Variants in SMYD3 observed in about 807,000 individuals in gnomAD.
The protein encoded by SMYD3 is SET and MYND domain containing 3.
In SMYD3, 36 loss-of-function variants were observed where a neutral mutation model predicts 57.7. That is an observed-to-expected ratio of 0.62 (90% CI 0.48 to 0.82). The LOEUF (loss-of-function observed/expected upper bound fraction) is 0.82. SMYD3 is among the 40% of genes least tolerant of loss of function. The probability of loss-of-function intolerance (pLI) is 0.00; values close to 1 mark genes in which losing one functional copy is unlikely to be tolerated. For synonymous variants in SMYD3, 211 were observed against 195.0 expected, an observed-to-expected ratio of 1.08 and a Z score of -0.68; for missense variants, 515 against 538.8, an observed-to-expected ratio of 0.96 and a Z score of 0.44.
chr1:246,416,857 A>G (rs2067070810), intron 1 of SMYD3, among the ~76,000 whole-genome samples: 1 of 152,136 alleles, frequency 6.6e-6, no homozygotes, highest in East Asian at 1.9e-4. Context: ...TTTCCTTATC[A>G]GACTAAGGAA....
At chr1:245,767,875 C>A (rs188591682) in intron 10 of SMYD3, among the ~76,000 whole-genome samples, 69 of 152,244 alleles carry the variant, frequency 4.5e-4, no homozygotes, top group Non-Finnish European at 8.5e-4. Flanking sequence ...CCAAAGGGGG[C>A]TGAAGATATT....
At chr1:246,372,855 T>G (rs2066214510) in intron 1 of SMYD3, among the ~76,000 whole-genome samples, 1 of 152,182 alleles carries the variant, frequency 6.6e-6, no homozygotes, top group Non-Finnish European at 1.5e-5. Flanking sequence ...CCATAAAGTT[T>G]GGAGTCAGGC....
intron 8 of SMYD3, among the ~76,000 whole-genome samples, chr1:245,904,265 TTC>T (rs2054399189): frequency 3.3e-5 from 5 of 152,172 alleles, no homozygotes; most frequent in Admixed American, 3.3e-4. Context: ...GCTCTTCGTT[TTC>T]TCTCTCATCT....
chr1:246,158,952 C>T (rs780748409), intron 5 of SMYD3, among the ~76,000 whole-genome samples: 6 of 151,844 alleles, frequency 4.0e-5, no homozygotes, highest in Admixed American at 6.6e-5. Flanking sequence ...TATGCAGTAC[C>T]GAGAAGTAAA....
chr1:246,228,717 A>C (rs1191813843), intron 5 of SMYD3, among the ~76,000 whole-genome samples: 3 of 152,328 alleles, frequency 2.0e-5, no homozygotes, highest in East Asian at 3.9e-4. Context: ...TTTCTGTATA[A>C]GTTTCTCAGA....
chr1:245,918,496 C>G (rs2055615155), intron 7 of SMYD3, among the ~76,000 whole-genome samples: 1 of 152,206 alleles, frequency 6.6e-6, no homozygotes, highest in African/African-American at 2.4e-5. Context: ...GCTGAGACAA[C>G]AGCCACTTTT....
intron 5 of SMYD3, among the ~76,000 whole-genome samples, chr1:246,008,955 A>T (rs2059227242): frequency 2.0e-5 from 3 of 152,190 alleles, no homozygotes; most frequent in African/African-American, 7.2e-5. Context: ...ACTCAAGTTC[A>T]AGTGCCAGCC....
At chr1:245,992,428 A>C (rs919538326) in intron 5 of SMYD3, among the ~76,000 whole-genome samples, 1 of 152,286 alleles carries the variant, frequency 6.6e-6, no homozygotes, top group Non-Finnish European at 1.5e-5. Context: ...TGACTACCAC[A>C]CCATGTTCTT....
chr1:246,318,972 G>C (rs12021844), intron 5 of SMYD3, among the ~76,000 whole-genome samples: 2 of 152,138 alleles, frequency 1.3e-5, no homozygotes, highest in Admixed American at 1.3e-4. Flanking sequence ...TACGAATGAA[G>C]AACACGATAA....
chr1:246,134,978 G>A (rs1192401620), intron 5 of SMYD3, among the ~76,000 whole-genome samples: 2 of 149,382 alleles, frequency 1.3e-5, no homozygotes, highest in Non-Finnish European at 3.0e-5. Flanking sequence ...AGAGGCTGCT[G>A]TTTGGTACCT....
intron 10 of SMYD3, among the ~76,000 whole-genome samples, chr1:245,848,652 T>C (rs2050793359): frequency 6.6e-6 from 1 of 152,174 alleles, no homozygotes; most frequent in African/African-American, 2.4e-5. Flanking sequence ...GCTCAAGTTA[T>C]CTTCCCACCT....
rs184432067 is a variant in SMYD3, at chr1:245,979,519, G to A, written c.532-49582C>T. Among the ~76,000 whole-genome samples the A allele has an allele frequency of 5.3e-5, 8 of 152,244 alleles. No individual in the cohort carries two copies. The East Asian group carries it at 1.4e-3, about 26-fold the overall frequency. ...CACAAGGAGAGTTCCACATGAAGAC[G>A]GGGGCAGAGACTGGGGTGATGCAGG... On this transcript the variant is annotated intron_variant, in intron 5 of 11. Coordinates refer to ENST00000490107, the MANE Select transcript of SMYD3 (RefSeq NM_001167740.2).
At chr1:246,240,484 G>T (rs2063589484) in intron 5 of SMYD3, among the ~76,000 whole-genome samples, 1 of 152,072 alleles carries the variant, frequency 6.6e-6, no homozygotes, top group African/African-American at 2.4e-5. Context: ...TGCTGTTTTG[G>T]TTACTGTAGC....
chr1:246,310,508 T>C lies in SMYD3; in HGVS notation c.531+16693A>G, dbSNP rs371776824. ...CACTTCTGCTTTCCCATTCCTGTCC[T>C]AATGGACATGTCTAAGAGAGTTGTG... On this transcript the variant is annotated intron_variant, in intron 5 of 11. Coordinates refer to ENST00000490107, the MANE Select transcript of SMYD3 (RefSeq NM_001167740.2). 9.9e-5 allele frequency among the ~76,000 whole-genome samples: 15 copies of C among 152,186 alleles called. No individual in the cohort carries two copies. The South Asian group carries it at 2.9e-3, about 29-fold the overall frequency.
Position 246,279,536 on chromosome 1 carries a change from C to CA in SMYD3, c.531+47664dup, listed in dbSNP as rs781535551. On this transcript the variant is annotated intron_variant, in intron 5 of 11. Transcript: ENST00000490107. Reference sequence around the variant, plus strand: ...CTCCTTCTCAAAACAAAAACAAAAACAAAAAAAAAGATTGTTGAGACCAAT... The same window carrying CA: ...CTCCTTCTCAAAACAAAAACAAAAACAAAAAAAAAAGATTGTTGAGACCAAT... Among the ~76,000 whole-genome samples the CA allele has an allele frequency of 4.0e-4, 61 of 150,626 alleles. No individual in the cohort carries two copies. The Middle Eastern group carries it at 0.01, about 25-fold the overall frequency.
intron 1 of SMYD3, among the ~76,000 whole-genome samples, chr1:246,373,176 TC>T (rs1436566890): frequency 2.0e-5 from 3 of 152,178 alleles, no homozygotes; most frequent in South Asian, 2.1e-4. Context: ...TGGGGTGATT[TC>T]CCCCTCCTTT....
At chr1:245,826,485 G>T (rs544575788) in intron 10 of SMYD3, among the ~76,000 whole-genome samples, 9 of 152,202 alleles carry the variant, frequency 5.9e-5, no homozygotes, top group Non-Finnish European at 1.2e-4. Context: ...AAAGTGCTAG[G>T]ATTACAGCCA....
At chr1:245,994,637 T>C (rs972027174) in intron 5 of SMYD3, among the ~76,000 whole-genome samples, 1 of 152,086 alleles carries the variant, frequency 6.6e-6, no homozygotes, top group Non-Finnish European at 1.5e-5. Flanking sequence ...CTTGCCTCAT[T>C]TCAGAAATAG....
intron 10 of SMYD3, among the ~76,000 whole-genome samples, chr1:245,847,026 T>G (rs2050700588): frequency 6.6e-6 from 1 of 152,176 alleles, no homozygotes; most frequent in South Asian, 2.1e-4. Context: ...GCCCCTGCTC[T>G]CTCCCTGTTC....
Sources: gnomAD v4.1 joint callset for allele counts (sites outside exome capture counted in the v4.1 genomes callset) on GRCh38, gnomAD v4.1.1 for gene constraint, MANE v1.5 for transcripts, NCBI Gene and HGNC (gene_info 2026-07-23, HGNC 2026-07-21) for gene names.